The following PTPRE variants were observed in gnomAD, a reference collection of about 807,000 sequenced individuals.
The protein encoded by PTPRE is protein tyrosine phosphatase receptor type E.
PTPRE carries 51 observed loss-of-function variants against 102.0 expected under a neutral mutation model. The observed-to-expected ratio is 0.50, with a 90% CI of 0.40 to 0.63. The LOEUF (loss-of-function observed/expected upper bound fraction) is 0.63, where lower values mean the gene tolerates loss of function less well. Ranked by LOEUF, PTPRE falls within the 30% of genes least tolerant of loss-of-function variation. PTPRE has a pLI of 0.00. For missense variants in PTPRE, 752 were observed against 915.1 expected (o/e 0.82, Z 2.30); for synonymous variants, 345 against 348.2 (o/e 0.99, Z 0.10).
At chr10:127,990,896 G>A (rs1852580532) in intron 2 of PTPRE, among the ~76,000 whole-genome samples, 1 of 152,178 alleles carries the variant, frequency 6.6e-6, no homozygotes, top group South Asian at 2.1e-4. Context: ...TTCTATTCAG[G>A]AAGGAAAAGC....
intron 2 of PTPRE, among the ~76,000 whole-genome samples, chr10:128,001,751 G>T (rs1396163094): frequency 6.6e-6 from 1 of 152,210 alleles, no homozygotes; most frequent in African/African-American, 2.4e-5. Flanking sequence ...GTATGGGAAG[G>T]TTCTTAGTAT....
At chr10:127,987,757 T>C (rs1815310296) in intron 2 of PTPRE, among the ~76,000 whole-genome samples, 1 of 152,232 alleles carries the variant, frequency 6.6e-6, no homozygotes, top group Non-Finnish European at 1.5e-5. Flanking sequence ...GCCGGCTCGA[T>C]GACATGGGAA....
chr10:128,001,803 T>C (rs1262868684), intron 2 of PTPRE, among the ~76,000 whole-genome samples: 4 of 152,238 alleles, frequency 2.6e-5, no homozygotes, highest in Non-Finnish European at 5.9e-5. Flanking sequence ...ACCAGCCACA[T>C]GTTAGCTGGG....
chr10:128,038,330 T>G (rs1847399280), intron 2 of PTPRE, among the ~76,000 whole-genome samples: 1 of 152,202 alleles, frequency 6.6e-6, no homozygotes, highest in South Asian at 2.1e-4. Context: ...GGATTATAAA[T>G]CATGCTGCTA....
intron 2 of PTPRE, among the ~76,000 whole-genome samples, chr10:128,014,858 G>A (rs2135641630): frequency 6.6e-6 from 1 of 152,184 alleles, no homozygotes; most frequent in Non-Finnish European, 1.5e-5. Flanking sequence ...TGCAGCCCCA[G>A]GCTGGTAGGA....
intron 15 of PTPRE, 197 bp downstream of exon 15, chr10:128,071,098 CCAGA>C (rs1469525432): frequency 3.3e-6 from 2 of 605,092 alleles, no homozygotes; most frequent in Admixed American, 6.0e-5. Context: ...ACCAGCTGAC[CCAGA>C]CAGTCCTGCA....
chr10:127,957,663 A>G lies in PTPRE; in HGVS notation c.-30-24611A>G, dbSNP rs181849146. On this transcript the variant is annotated intron_variant, in intron 1 of 20. Coordinates refer to ENST00000254667, the MANE Select transcript of PTPRE (RefSeq NM_006504.6). ...CCTCCAACTCTGTTCTTCTCCTTCA[A>G]TATTGCGTTGGCTATTGTGAGTCTT... Among the ~76,000 whole-genome samples the G allele has an allele frequency of 2.5e-3, 377 of 152,288 alleles. 3 individuals are homozygous for G. The highest frequency in any genetic ancestry group is 7.9e-3 in the African/African-American group (327 of 41,560).
At chr10:127,977,658 AGTTTT>A (rs1851281533) in intron 1 of PTPRE, among the ~76,000 whole-genome samples, 1 of 152,208 alleles carries the variant, frequency 6.6e-6, no homozygotes, top group South Asian at 2.1e-4. Context: ...TAAATGCTGT[AGTTTT>A]ATTTTCTTCT....
intron 2 of PTPRE, among the ~76,000 whole-genome samples, chr10:128,026,734 G>T (rs1846316777): frequency 6.6e-6 from 1 of 152,218 alleles, no homozygotes; most frequent in Admixed American, 6.5e-5. Context: ...GAGATAAAAA[G>T]CAAGCCCTTT....
intron 2 of PTPRE, among the ~76,000 whole-genome samples, chr10:128,022,256 C>T (rs965290838): frequency 3.3e-5 from 5 of 152,292 alleles, no homozygotes; most frequent in African/African-American, 1.2e-4. Context: ...ACCTGGCACC[C>T]CGCTCCCTGA....
intron 1 of PTPRE, among the ~76,000 whole-genome samples, chr10:127,969,454 G>A (rs1039497647): frequency 4.6e-5 from 7 of 152,110 alleles, no homozygotes; most frequent in Admixed American, 6.5e-5. Context: ...GATCACTTGA[G>A]GCCAAGAGTC....
intron 1 of PTPRE, among the ~76,000 whole-genome samples, chr10:127,909,070 G>A (rs1204849538): frequency 6.6e-6 from 1 of 152,210 alleles, no homozygotes; most frequent in Non-Finnish European, 1.5e-5. Context: ...TCTCATTTCT[G>A]TGGGGGACAG....
At chr10:127,924,192 G>T (rs1160314779) in intron 1 of PTPRE, among the ~76,000 whole-genome samples, 2 of 152,160 alleles carry the variant, frequency 1.3e-5, no homozygotes, top group African/African-American at 4.8e-5. Flanking sequence ...ACTGTTTTCA[G>T]CAGGGAGGGC....
Position 128,063,144 on chromosome 10 carries a change from C to T in PTPRE, c.687C>T (p.Thr229=), listed in dbSNP as rs757635114. The stretch of plus-strand genomic sequence containing the variant: ...TGGTCTGGGAGCAAAAGTCTGCGAC[C>T]ATCGTCATGTTAACAAACTTGAAAG... ...WRMVWEQKSA[T]IVMLTNLKER... The change falls in exon 10 of 21, where the codon ACC becomes ACT. Residue 229 remains threonine, a synonymous_variant. Transcript: ENST00000254667. 1.9e-6 allele frequency: 3 copies of T among 1,614,086 alleles called. No homozygotes were observed. Among genetic ancestry groups the T allele is most frequent in the South Asian group, 2.2e-5 (2 of 91,080 alleles).
chr10:128,046,960 C>A (rs1205427263), intron 3 of PTPRE, among the ~76,000 whole-genome samples: 2 of 152,180 alleles, frequency 1.3e-5, no homozygotes, highest in African/African-American at 4.8e-5. Context: ...GCCAGGCCGC[C>A]TCCCTGTGCC....
chr10:127,956,805 A>G (rs1016694097), intron 1 of PTPRE, among the ~76,000 whole-genome samples: 2 of 152,308 alleles, frequency 1.3e-5, no homozygotes, highest in East Asian at 3.9e-4. Context: ...TTTAATTAGC[A>G]ATTCCCTAAA....
Position 128,070,876 on chromosome 10 carries a change from G to A in PTPRE, c.1362G>A (p.Lys454=). 1 of 1,614,118 alleles carries A rather than the reference G, an allele frequency of 6.2e-7. No homozygotes were observed. The highest frequency in any genetic ancestry group is 2.2e-5 in the East Asian group (1 of 44,884). ...GCAACTTGCCGGCAAACATGAAGAAGGCCAGGGTCATCCAGATCATCCCGT... is the reference window on the plus strand; with the variant it reads ...GCAACTTGCCGGCAAACATGAAGAAAGCCAGGGTCATCCAGATCATCCCGT... The part of the protein sequence containing the change: ...RTGNLPANMK[K]ARVIQIIPYD... The change falls in exon 15 of 21, where the codon AAG becomes AAA. Residue 454 remains lysine (K), a synonymous_variant. Transcript: ENST00000254667. The surrounding 1 kb of genome is among the most constrained non-coding windows in gnomAD (Gnocchi z 4.8).
intron 1 of PTPRE, among the ~76,000 whole-genome samples, chr10:127,943,566 G>A (rs1276905457): frequency 6.6e-6 from 1 of 152,158 alleles, no homozygotes; most frequent in Non-Finnish European, 1.5e-5. Context: ...ACAATGCGGT[G>A]GTCATGGGGA....
At chr10:128,069,362 G>T in intron 12 of PTPRE, 1 of 229,862 alleles carries the variant, frequency 4.4e-6, no homozygotes. Context: ...GCTCCCAGGG[G>T]GACAGATCTA....
Sources: allele counts gnomAD v4.1 joint callset (sites outside exome capture counted in the v4.1 genomes callset), GRCh38; gene constraint gnomAD v4.1.1; non-coding constraint Gnocchi (gnomAD v3.1); transcripts MANE v1.5; gene names NCBI Gene and HGNC (gene_info 2026-07-23, HGNC 2026-07-21).